Variants in GRM8 observed in about 807,000 individuals in gnomAD.
The protein encoded by GRM8 is metabotropic glutamate receptor 8.
In GRM8, 47 loss-of-function variants were observed where a neutral mutation model predicts 87.2. The observed-to-expected ratio is 0.54, with a 90% CI of 0.43 to 0.69. The LOEUF is 0.69. GRM8 is among the 30% of genes least tolerant of loss of function. The probability of loss-of-function intolerance (pLI) is 0.00; values close to 1 mark genes in which losing one functional copy is unlikely to be tolerated. For synonymous variants in GRM8, 396 were observed against 404.5 expected, an observed-to-expected ratio of 0.98 and a Z score of 0.25; for missense variants, 1,019 against 1,139.2, an observed-to-expected ratio of 0.89 and a Z score of 1.52.
At chr7:126,904,192 A>G (rs1802451640) in intron 4 of GRM8, 66 bp from the exon 5 acceptor site, 2 of 1,337,074 alleles carry the variant, frequency 1.5e-6, no homozygotes, top group Non-Finnish European at 2.1e-6. Context: ...TGAATATTAC[A>G]AGACCAGATT....
intron 7 of GRM8, among the ~76,000 whole-genome samples, chr7:126,637,669 T>C (rs921420189): frequency 6.6e-6 from 1 of 152,108 alleles, no homozygotes; most frequent in Admixed American, 6.6e-5. Flanking sequence ...CATTAGCCTG[T>C]TGTGTAGGCC....
intron 3 of GRM8, among the ~76,000 whole-genome samples, chr7:127,071,474 T>C (rs1821681190): frequency 6.6e-6 from 1 of 152,274 alleles, no homozygotes; most frequent in Admixed American, 6.5e-5. Flanking sequence ...AAGTCAAGCA[T>C]GAAGGTGAAC....
At chr7:126,956,671 C>T (rs2131642592) in intron 3 of GRM8, among the ~76,000 whole-genome samples, 1 of 152,246 alleles carries the variant, frequency 6.6e-6, no homozygotes, top group South Asian at 2.1e-4. Context: ...GAAGAGGCTA[C>T]AACTTGACTT....
chr7:127,224,188 G>A (rs2116745001), intron 2 of GRM8, among the ~76,000 whole-genome samples: 1 of 152,206 alleles, frequency 6.6e-6, no homozygotes, highest in African/African-American at 2.4e-5. Context: ...TTCCAAAGTT[G>A]GCAAAAGACA....
chr7:126,533,924 CCCCCATTTAT>C, intron 8 of GRM8, 37 bp from the exon 9 acceptor site: 1 of 1,471,992 alleles, frequency 6.8e-7, no homozygotes, highest in Non-Finnish European at 9.4e-7. Context: ...TTCCATTTTT[CCCCCATTTAT>C]AATATCCTAA....
At chr7:127,125,436 A>G (rs575990395) in intron 2 of GRM8, among the ~76,000 whole-genome samples, 4 of 152,102 alleles carry the variant, frequency 2.6e-5, no homozygotes, top group African/African-American at 9.6e-5. Context: ...CCATGCATAA[A>G]AATTAGTCAA....
At chr7:126,835,479 C>T (rs974257837) in intron 6 of GRM8, among the ~76,000 whole-genome samples, 1 of 152,038 alleles carries the variant, frequency 6.6e-6, no homozygotes, top group Non-Finnish European at 1.5e-5. Flanking sequence ...CAGCCAAGTT[C>T]CAAGTGCCTA....
intron 9 of GRM8, among the ~76,000 whole-genome samples, chr7:126,524,239 T>G (rs1348922808): frequency 6.6e-6 from 1 of 152,222 alleles, no homozygotes; most frequent in Non-Finnish European, 1.5e-5. Flanking sequence ...ATATCTGACA[T>G]GCCTTTTTTT....
At chr7:126,704,461 A>C (rs1193749971) in intron 7 of GRM8, among the ~76,000 whole-genome samples, 2 of 152,196 alleles carry the variant, frequency 1.3e-5, no homozygotes, top group Non-Finnish European at 2.9e-5. Flanking sequence ...ACCTCGATAA[A>C]AGAACAGGAT....
intron 2 of GRM8, among the ~76,000 whole-genome samples, chr7:127,174,253 G>T (rs1003589068): frequency 1.3e-5 from 2 of 152,176 alleles, no homozygotes; most frequent in African/African-American, 4.8e-5. Context: ...GAAAAGAAGG[G>T]CAAACTCAGA....
chr7:127,150,531 G>A (rs143202093), intron 2 of GRM8, among the ~76,000 whole-genome samples: 19 of 152,202 alleles, frequency 1.2e-4, no homozygotes, highest in African/African-American at 4.3e-4. Flanking sequence ...TGTTGGTGGT[G>A]CCCAGTGCTA....
chr7:127,107,773 C>T lies in GRM8; in HGVS notation c.511-1061G>A, dbSNP rs562862636. ...ATCTATATAAACATTTCAACTCCACCCTTGACATACTTGTAAAGCTCTCAA... is the reference window on the plus strand; with the variant it reads ...ATCTATATAAACATTTCAACTCCACTCTTGACATACTTGTAAAGCTCTCAA... On this transcript the variant is annotated intron_variant, in intron 2 of 10. Transcript: ENST00000339582. Among the ~76,000 whole-genome samples, 10 of 152,272 alleles carry T rather than the reference C, an allele frequency of 6.6e-5. 1 individual carries two copies. Among genetic ancestry groups the T allele is most frequent in the African/African-American group, 2.2e-4 (9 of 41,558 alleles).
chr7:126,564,860 T>A (rs187502368), intron 8 of GRM8, among the ~76,000 whole-genome samples: 49 of 152,222 alleles, frequency 3.2e-4, no homozygotes, highest in African/African-American at 1.1e-3. Context: ...CAATAGCACA[T>A]TAAAAGGATC....
chr7:126,482,386 A>G (rs1806794787), intron 9 of GRM8, among the ~76,000 whole-genome samples: 4 of 152,006 alleles, frequency 2.6e-5, no homozygotes. Flanking sequence ...AAGAGATAAA[A>G]CCTGGAAACA....
intron 2 of GRM8, among the ~76,000 whole-genome samples, chr7:127,220,272 C>A (rs917737617): frequency 6.6e-6 from 1 of 152,138 alleles, no homozygotes; most frequent in Non-Finnish European, 1.5e-5. Context: ...AATACAATAT[C>A]ATATGCCTCC....
intron 3 of GRM8, among the ~76,000 whole-genome samples, chr7:126,949,073 C>A (rs1807857040): frequency 6.6e-6 from 1 of 152,236 alleles, no homozygotes; most frequent in Non-Finnish European, 1.5e-5. Flanking sequence ...TAACACCTAC[C>A]TTGTATCCTG....
intron 6 of GRM8, among the ~76,000 whole-genome samples, chr7:126,836,159 G>C (rs978300615): frequency 1.3e-5 from 2 of 152,014 alleles, no homozygotes; most frequent in African/African-American, 4.8e-5. Flanking sequence ...AGTTTTTCTA[G>C]AACCTTATAT....
intron 2 of GRM8, among the ~76,000 whole-genome samples, chr7:127,130,087 G>C (rs1398636199): frequency 6.6e-6 from 1 of 152,160 alleles, no homozygotes; most frequent in East Asian, 1.9e-4. Flanking sequence ...TCTGTCTCCT[G>C]CTGCCATGTA....
At chr7:126,966,045 A>G (rs907486564) in intron 3 of GRM8, among the ~76,000 whole-genome samples, 8 of 152,206 alleles carry the variant, frequency 5.3e-5, no homozygotes, top group Admixed American at 1.3e-4. Flanking sequence ...AGCACTCTCT[A>G]AAACCAAAAG....
Sources: allele counts gnomAD v4.1 joint callset (sites outside exome capture counted in the v4.1 genomes callset), GRCh38; gene constraint gnomAD v4.1.1; transcripts MANE v1.5; gene names NCBI Gene and HGNC (gene_info 2026-07-23, HGNC 2026-07-21).